OR51B6: variants seen among roughly 807,000 people sequenced by gnomAD.
OR51B6 encodes the protein olfactory receptor family 51 subfamily B member 6, also known as olfactory receptor 51B6.
For missense variants in OR51B6, 502 were observed against 382.2 expected, an observed-to-expected ratio of 1.31 and a Z score of -2.61; for synonymous variants, 154 against 137.3, an observed-to-expected ratio of 1.12 and a Z score of -0.85.
Position 5,351,812 on chromosome 11 carries a change from T to C in OR51B6, c.305T>C (p.Ile102Thr). The change falls in exon 1 of 1, where the codon ATC becomes ACC. Residue 102 changes from isoleucine (I) to threonine (T), a missense_variant. Transcript: ENST00000380219. ...HGACFSQAYF[I>T]HTLSVMESGV... ...GCCTGCTTCTCTCAGGCCTATTTTATCCATACTCTTTCTGTCATGGAGTCA... is the reference window on the plus strand; with the variant it reads ...GCCTGCTTCTCTCAGGCCTATTTTACCCATACTCTTTCTGTCATGGAGTCA... 2 of 1,614,114 alleles carry C rather than the reference T, an allele frequency of 1.2e-6. No homozygotes were observed. The highest frequency in any genetic ancestry group is 1.7e-6 in the Non-Finnish European group (2 of 1,179,980).
chr11:5,352,274 T>G lies in OR51B6; in HGVS notation c.767T>G (p.Leu256Arg). The G allele has an allele frequency of 6.2e-7, 1 of 1,614,234 alleles. No homozygotes were observed. The highest frequency in any genetic ancestry group is 1.1e-5 in the South Asian group (1 of 91,084). ...ILVFYVTVVCLTFIHRFGKHV... is the reference protein window; with the variant it reads ...ILVFYVTVVCRTFIHRFGKHV... The stretch of plus-strand genomic sequence containing the variant: ...GTCTTCTATGTCACTGTAGTTTGTC[T>G]GACATTTATTCATAGGTTTGGAAAG... The change falls in exon 1 of 1, where the codon CTG becomes CGG. Residue 256 changes from leucine to arginine, a missense_variant. By Grantham distance (102) the Leu-to-Arg change is moderately radical. Transcript: ENST00000380219.
At position 5,352,187 on chromosome 11, in the gene OR51B6, G is replaced by A; in HGVS notation, c.680G>A (p.Gly227Asp). The A allele has an allele frequency of 1.2e-6, 2 of 1,614,114 alleles. 1 individual carries two copies. The highest frequency in any genetic ancestry group is 2.2e-5 in the South Asian group (2 of 91,074). The change falls in exon 1 of 1, where the codon GGT (glycine) becomes GAT (aspartate). Residue 227 changes from glycine to aspartate, a missense_variant. Transcript: ENST00000380219. The stretch of plus-strand genomic sequence containing the variant: ...ATTCTCAAGACTGTCATGGGCATTG[G>A]TTCTGGAGGAGAAAGGGCCAAGGCC... ...ILILKTVMGI[G>D]SGGERAKALN...
chr11:5,352,054 A>G lies in OR51B6; in HGVS notation c.547A>G (p.Ile183Val), dbSNP rs1849100462. 1 of 1,614,038 alleles carries G rather than the reference A, an allele frequency of 6.2e-7. No individual in the cohort carries two copies. Among genetic ancestry groups the G allele is most frequent in the East Asian group, 2.2e-5 (1 of 44,880 alleles). ...SHAFCLHQDV[I>V]KLACADITFN... ...TGCTTTCTGTCTACACCAAGATGTC[A>G]TCAAGCTAGCCTGTGCTGACATCAC... The change falls in exon 1 of 1, where the codon ATC becomes GTC. Residue 183 changes from isoleucine to valine, a missense_variant. By Grantham distance (29) the Ile-to-Val change is conservative. Transcript: ENST00000380219.
rs539691387 is a variant in OR51B6 at position 5,352,227 on chromosome 11, C to A, written c.720C>A (p.Val240=). Residue 240 remains valine, a synonymous_variant, in exon 1 of 1, where the codon GTC becomes GTA. Transcript: ENST00000380219. The stretch of plus-strand genomic sequence containing the variant: ...GGGCCAAGGCCCTCAACACATGTGT[C>A]TCTCATATCTGCTGCATCCTGGTCT... The part of the protein sequence containing the change: ...GERAKALNTC[V]SHICCILVFY... The A allele has an allele frequency of 1.2e-6, 2 of 1,614,166 alleles. No homozygotes were observed. Among genetic ancestry groups the A allele is most frequent in the Non-Finnish European group, 8.5e-7 (1 of 1,179,970 alleles).
In OR51B6 at chr11:5,351,639, C is replaced by A. The variant is rs1469333960; in HGVS notation, c.132C>A (p.Leu44=). ...TACTTCTTGGCAATGGCACTCTTCT[C>A]TTTCTCATCAGGAATGATCATAACC... is the stretch of plus-strand genomic sequence containing the variant. ...ISILLGNGTL[L]FLIRNDHNLH... The change falls in exon 1 of 1, where the codon CTC becomes CTA. Residue 44 remains leucine, a synonymous_variant. Coordinates refer to ENST00000380219, the MANE Select transcript of OR51B6 (RefSeq NM_001004750.1). 5 of 1,614,138 alleles carry A rather than the reference C, an allele frequency of 3.1e-6. 1 individual carries two copies. The South Asian group carries it at 5.5e-5, about 18-fold the overall frequency.
At position 5,351,877 on chromosome 11, in the gene OR51B6, A is replaced by G; in HGVS notation, c.370A>G (p.Ile124Val). Reference sequence around the variant, plus strand: ...CATGGCTTATGACTGTTTCATTACCATCCGCAGCCCCTTAAGATATACCTC... The same window carrying G: ...CATGGCTTATGACTGTTTCATTACCGTCCGCAGCCCCTTAAGATATACCTC... ...LAMAYDCFIT[I>V]RSPLRYTSIL... Residue 124 changes from isoleucine (I) to valine (V), a missense_variant, in exon 1 of 1, where the codon ATC (isoleucine) becomes GTC (valine). Physicochemically the swap from Ile to Val is conservative, Grantham distance 29. Transcript: ENST00000380219. 2.5e-6 allele frequency: 4 copies of G among 1,613,292 alleles called. No individual in the cohort carries two copies. The highest frequency in any genetic ancestry group is 3.4e-6 in the Non-Finnish European group (4 of 1,179,312).
Position 5,351,915 on chromosome 11 carries a change from C to T in OR51B6, c.408C>T (p.Asn136=), listed in dbSNP as rs1209176482. The part of the protein sequence containing the change: ...SPLRYTSILT[N]TQVMKIGVRV... ...TAAGATATACCTCTATCCTGACCAA[C>T]ACCCAGGTAATGAAGATTGGTGTGC... The change falls in exon 1 of 1, where the codon AAC becomes AAT. Residue 136 remains asparagine, a synonymous_variant. Coordinates refer to ENST00000380219, the MANE Select transcript of OR51B6 (RefSeq NM_001004750.1). 15 of 1,613,062 alleles carry T rather than the reference C, an allele frequency of 9.3e-6. No individual in the cohort carries two copies. The highest frequency in any genetic ancestry group is 1.1e-5 in the Non-Finnish European group (13 of 1,179,184).
chr11:5,352,426 C>G lies in OR51B6; in HGVS notation c.919C>G (p.Leu307Val). 1 of 1,596,626 alleles carries G rather than the reference C, an allele frequency of 6.3e-7. No homozygotes were observed. Among genetic ancestry groups the G allele is most frequent in the Non-Finnish European group, 8.5e-7 (1 of 1,169,690 alleles). ...IQSGILRLFS[L>V]PHSRA The stretch of plus-strand genomic sequence containing the variant: ...GAGTGGCATACTTCGTTTATTCTCT[C>G]TGCCTCACTCTAGAGCATGACATTG... Residue 307 changes from leucine to valine, a missense_variant, in exon 1 of 1, where the codon CTG becomes GTG. Leu to Val is a conservative substitution (Grantham distance 32). Coordinates refer to ENST00000380219, the MANE Select transcript of OR51B6 (RefSeq NM_001004750.1).
chr11:5,352,119 G>A lies in OR51B6; in HGVS notation c.612G>A (p.Met204Ile), dbSNP rs773010539. The A allele has an allele frequency of 1.1e-5, 18 of 1,613,984 alleles. No homozygotes were observed. In the Admixed American group the frequency reaches 1.5e-4, roughly 13 times the overall value. ...RLYPVVVLFAMVLLDFLIIFF... is the reference protein window; with the variant it reads ...RLYPVVVLFAIVLLDFLIIFF... ...ATCCAGTTGTAGTTTTATTTGCAAT[G>A]GTCTTGTTGGACTTTCTCATCATCT... The change falls in exon 1 of 1, where the codon ATG becomes ATA. Residue 204 changes from methionine to isoleucine, a missense_variant. Coordinates refer to ENST00000380219, the MANE Select transcript of OR51B6 (RefSeq NM_001004750.1).
chr11:5,351,584 T>A lies in OR51B6; in HGVS notation c.77T>A (p.Phe26Tyr). ...ATGGAGAAGGCACATCACTGGATAT[T>A]CATCCCATTATTGGCAGCCTACATC... ...PGMEKAHHWI[F>Y]IPLLAAYISI... The change falls in exon 1 of 1, where the codon TTC (phenylalanine) becomes TAC (tyrosine). Residue 26 changes from phenylalanine to tyrosine, a missense_variant. Physicochemically the swap from Phe to Tyr is conservative, Grantham distance 22. Transcript: ENST00000380219. The A allele has an allele frequency of 6.2e-7, 1 of 1,614,154 alleles. No individual in the cohort carries two copies. The highest frequency in any genetic ancestry group is 8.5e-7 in the Non-Finnish European group (1 of 1,179,996).
Position 5,352,155 on chromosome 11 carries a change from C to T in OR51B6, c.648C>T (p.Tyr216=), listed in dbSNP as rs1849103828. ...LLDFLIIFFS[Y]ILILKTVMGI... Reference sequence around the variant, plus strand: ...ACTTTCTCATCATCTTTTTCTCCTACATTTTGATTCTCAAGACTGTCATGG... The same window carrying T: ...ACTTTCTCATCATCTTTTTCTCCTATATTTTGATTCTCAAGACTGTCATGG... The change falls in exon 1 of 1, where the codon TAC becomes TAT. Residue 216 remains tyrosine, a synonymous_variant. Coordinates refer to ENST00000380219, the MANE Select transcript of OR51B6 (RefSeq NM_001004750.1). 1 of 1,614,162 alleles carries T rather than the reference C, an allele frequency of 6.2e-7. No homozygotes were observed. The highest frequency in any genetic ancestry group is 8.5e-7 in the Non-Finnish European group (1 of 1,180,032).
rs1212027557 is a variant in OR51B6, at chr11:5,352,428, G to C, written c.921G>C (p.Leu307=). 5 of 1,596,990 alleles carry C rather than the reference G, an allele frequency of 3.1e-6. No homozygotes were observed. Among genetic ancestry groups the C allele is most frequent in the South Asian group, 1.1e-5 (1 of 90,166 alleles). ...IQSGILRLFS[L]PHSRA ...GTGGCATACTTCGTTTATTCTCTCT[G>C]CCTCACTCTAGAGCATGACATTGTT... Residue 307 remains leucine (L), a synonymous_variant, in exon 1 of 1, where the codon CTG becomes CTC. Coordinates refer to ENST00000380219, the MANE Select transcript of OR51B6 (RefSeq NM_001004750.1).
rs1849092344 is a variant in OR51B6, at chr11:5,351,764, A to G, written c.257A>G (p.Asp86Gly). ...MPTVLGVLWLDHREIGHGACF... is the reference protein window; with the variant it reads ...MPTVLGVLWLGHREIGHGACF... ...ACAGTGCTAGGTGTTCTGTGGTTAG[A>G]TCACAGGGAGATTGGCCATGGAGCC... The change falls in exon 1 of 1, where the codon GAT becomes GGT. Residue 86 changes from aspartate to glycine, a missense_variant. Physicochemically the swap from Asp to Gly is moderately conservative, Grantham distance 94 (BLOSUM62 -1). Coordinates refer to ENST00000380219, the MANE Select transcript of OR51B6 (RefSeq NM_001004750.1). 1.2e-6 allele frequency: 2 copies of G among 1,613,958 alleles called. No individual in the cohort carries two copies. The highest frequency in any genetic ancestry group is 1.7e-5 in the Admixed American group (1 of 59,998).
At position 5,351,933 on chromosome 11, in the gene OR51B6, T is replaced by A. The variant is rs1156476261; in HGVS notation, c.426T>A (p.Ile142=). 7 of 1,613,082 alleles carry A rather than the reference T, an allele frequency of 4.3e-6. No individual in the cohort carries two copies. The highest frequency in any genetic ancestry group is 5.1e-6 in the Non-Finnish European group (6 of 1,179,072). Residue 142 remains isoleucine, a synonymous_variant, in exon 1 of 1, where the codon ATT becomes ATA. Coordinates refer to ENST00000380219, the MANE Select transcript of OR51B6 (RefSeq NM_001004750.1). ...SILTNTQVMK[I]GVRVLTRAGL... ...TGACCAACACCCAGGTAATGAAGAT[T>A]GGTGTGCGGGTATTGACAAGGGCTG... is the stretch of plus-strand genomic sequence containing the variant.
chr11:5,351,933 T>C lies in OR51B6; in HGVS notation c.426T>C (p.Ile142=), dbSNP rs1156476261. The change falls in exon 1 of 1, where the codon ATT becomes ATC. Residue 142 remains isoleucine, a synonymous_variant. Coordinates refer to ENST00000380219, the MANE Select transcript of OR51B6 (RefSeq NM_001004750.1). ...SILTNTQVMK[I]GVRVLTRAGL... ...TGACCAACACCCAGGTAATGAAGATTGGTGTGCGGGTATTGACAAGGGCTG... is the reference window on the plus strand; with the variant it reads ...TGACCAACACCCAGGTAATGAAGATCGGTGTGCGGGTATTGACAAGGGCTG... 2 of 1,612,964 alleles carry C rather than the reference T, an allele frequency of 1.2e-6. No individual in the cohort carries two copies. The highest frequency in any genetic ancestry group is 1.7e-6 in the Non-Finnish European group (2 of 1,179,080).
chr11:5,352,041 A>G lies in OR51B6; in HGVS notation c.534A>G (p.Leu178=). 6.2e-7 allele frequency: 1 copy of G among 1,614,002 alleles called. No homozygotes were observed. The highest frequency in any genetic ancestry group is 8.5e-7 in the Non-Finnish European group (1 of 1,179,888). ...RSHVLSHAFC[L]HQDVIKLACA... The stretch of plus-strand genomic sequence containing the variant: ...ATGTACTCTCCCATGCTTTCTGTCT[A>G]CACCAAGATGTCATCAAGCTAGCCT... The change falls in exon 1 of 1, where the codon CTA becomes CTG. Residue 178 remains leucine, a synonymous_variant. Transcript: ENST00000380219.
At position 5,352,071 on chromosome 11, in the gene OR51B6, T is replaced by C. The variant is rs1457888164; in HGVS notation, c.564T>C (p.Ala188=). Residue 188 remains alanine, a synonymous_variant, in exon 1 of 1, where the codon GCT becomes GCC. Coordinates refer to ENST00000380219, the MANE Select transcript of OR51B6 (RefSeq NM_001004750.1). The part of the protein sequence containing the change: ...LHQDVIKLAC[A]DITFNRLYPV... ...AAGATGTCATCAAGCTAGCCTGTGCTGACATCACCTTCAACCGTCTCTATC... is the reference window on the plus strand; with the variant it reads ...AAGATGTCATCAAGCTAGCCTGTGCCGACATCACCTTCAACCGTCTCTATC... 1 of 1,614,054 alleles carries C rather than the reference T, an allele frequency of 6.2e-7. No homozygotes were observed. Among genetic ancestry groups the C allele is most frequent in the African/African-American group, 1.3e-5 (1 of 74,948 alleles).
At position 5,352,120 on chromosome 11, in the gene OR51B6, G is replaced by T. The variant is rs762785080; in HGVS notation, c.613G>T (p.Val205Phe). The change falls in exon 1 of 1, where the codon GTC becomes TTC. Residue 205 changes from valine (V) to phenylalanine (F), a missense_variant. Coordinates refer to ENST00000380219, the MANE Select transcript of OR51B6 (RefSeq NM_001004750.1). ...LYPVVVLFAMVLLDFLIIFFS... is the reference protein window; with the variant it reads ...LYPVVVLFAMFLLDFLIIFFS... The stretch of plus-strand genomic sequence containing the variant: ...TCCAGTTGTAGTTTTATTTGCAATG[G>T]TCTTGTTGGACTTTCTCATCATCTT... The T allele has an allele frequency of 1.9e-6, 3 of 1,614,008 alleles. No individual in the cohort carries two copies. In the African/African-American group the frequency reaches 4.0e-5, roughly 22 times the overall value.
Position 5,351,875 on chromosome 11 carries a change from C to T in OR51B6, c.368C>T (p.Thr123Ile). The part of the protein sequence containing the change: ...LLAMAYDCFI[T>I]IRSPLRYTSI... ...GCCATGGCTTATGACTGTTTCATTA[C>T]CATCCGCAGCCCCTTAAGATATACC... The change falls in exon 1 of 1, where the codon ACC becomes ATC. Residue 123 changes from threonine to isoleucine, a missense_variant. Transcript: ENST00000380219. 1 of 1,613,108 alleles carries T rather than the reference C, an allele frequency of 6.2e-7. No individual in the cohort carries two copies. The highest frequency in any genetic ancestry group is 2.2e-5 in the East Asian group (1 of 44,872).
Sources: gnomAD v4.1 joint callset for allele counts on GRCh38, gnomAD v4.1.1 for gene constraint, MANE v1.5 for transcripts, NCBI Gene and HGNC (gene_info 2026-07-23, HGNC 2026-07-21) for gene names.